RABGAP1: variants seen among roughly 807,000 people sequenced by gnomAD.
The protein encoded by RABGAP1 is rab GTPase-activating protein 1.
Under a neutral mutation model 137.6 loss-of-function variants are expected in RABGAP1, and 23 were observed. The ratio of observed to expected loss-of-function variants is 0.17; its 90% CI spans 0.12 to 0.24. RABGAP1 has a LOEUF of 0.24. RABGAP1 is among the 10% of genes least tolerant of loss of function. The pLI is 1.00. For synonymous variants in RABGAP1, 451 were observed against 450.7 expected, an observed-to-expected ratio of 1.00 and a Z score of -0.01; for missense variants, 906 against 1,275.8, an observed-to-expected ratio of 0.71 and a Z score of 4.42.
At chr9:123,076,528 C>T in intron 18 of RABGAP1, 106 bp from the exon 19 acceptor site, 1 of 1,329,852 alleles carries the variant, frequency 7.5e-7, no homozygotes, top group Non-Finnish European at 1.0e-6. Context: ...TAAGAAGTAT[C>T]TTCTGGGGAT....
intron 2 of RABGAP1, among the ~76,000 whole-genome samples, chr9:122,982,862 G>A (rs147258952): frequency 0.024 from 3,716 of 152,092 alleles, 79 homozygotes; most frequent in Middle Eastern, 0.034. Flanking sequence ...ATAGTGATAT[G>A]ATGTCACTTT....
intron 2 of RABGAP1, among the ~76,000 whole-genome samples, chr9:122,979,385 A>G (rs534542381): frequency 2.5e-4 from 38 of 152,272 alleles, no homozygotes; most frequent in African/African-American, 8.9e-4. Context: ...TACGTCCTTC[A>G]TCAGATATAT....
At chr9:122,969,575 C>G (rs779958712) in intron 2 of RABGAP1, among the ~76,000 whole-genome samples, 4 of 151,958 alleles carry the variant, frequency 2.6e-5, no homozygotes, top group Non-Finnish European at 5.9e-5. Context: ...AGATATCTTG[C>G]GCAGTGGTCC....
intron 24 of RABGAP1, among the ~76,000 whole-genome samples, chr9:123,099,820 G>A (rs1042455058): frequency 3.9e-5 from 6 of 152,174 alleles, no homozygotes; most frequent in African/African-American, 1.4e-4. Context: ...GTCGATGTCC[G>A]CAGTGTGATG....
intron 13 of RABGAP1, among the ~76,000 whole-genome samples, chr9:123,033,209 C>A (rs893239396): frequency 6.6e-6 from 1 of 152,144 alleles, no homozygotes; most frequent in African/African-American, 2.4e-5. Context: ...AGTTGCCATA[C>A]GCCATACACT....
intron 13 of RABGAP1, among the ~76,000 whole-genome samples, chr9:123,058,846 T>C (rs982180287): frequency 2.0e-5 from 3 of 152,214 alleles, no homozygotes; most frequent in Non-Finnish European, 4.4e-5. Context: ...CAGCAGCACA[T>C]TGGACTTGAA....
At chr9:123,064,005 C>T (rs1367386473) in intron 13 of RABGAP1, among the ~76,000 whole-genome samples, 5 of 152,152 alleles carry the variant, frequency 3.3e-5, no homozygotes, top group East Asian at 3.8e-4. Flanking sequence ...CTACCTTGCC[C>T]GCCCCAAAAT....
chr9:122,987,704 G>C (rs1408109952), intron 4 of RABGAP1, among the ~76,000 whole-genome samples: 1 of 152,086 alleles, frequency 6.6e-6, no homozygotes, highest in African/African-American at 2.4e-5. Flanking sequence ...AAGCATGAAT[G>C]ATGATAGCTA....
intron 13 of RABGAP1, among the ~76,000 whole-genome samples, chr9:123,058,480 C>G (rs2033836852): frequency 6.6e-6 from 1 of 151,494 alleles, no homozygotes; most frequent in Non-Finnish European, 1.5e-5. Context: ...TACAAAAAAG[C>G]AAAACAATTT....
chr9:123,090,470 G>A, intron 21 of RABGAP1, 85 bp downstream of exon 21: 1 of 1,124,412 alleles, frequency 8.9e-7, no homozygotes, highest in Non-Finnish European at 1.3e-6. Flanking sequence ...TTTAGTGATT[G>A]TTATTCTAGC....
chr9:123,034,485 C>T lies in RABGAP1; in HGVS notation c.1794+14026C>T, dbSNP rs552275243. 60 of 837,252 alleles carry T rather than the reference C, an allele frequency of 7.2e-5. 1 individual carries two copies. Among genetic ancestry groups the T allele is most frequent in the South Asian group, 7.0e-4 (43 of 61,824 alleles). 51.9% of individuals were successfully genotyped at this position (837,252 alleles called of 1,614,324 possible). A position where few individuals can be genotyped will look rare whatever the true frequency, so the allele number is the denominator to read the frequency against. On this transcript the variant is annotated intron_variant, in intron 13 of 25. Transcript: ENST00000373647. The stretch of plus-strand genomic sequence containing the variant: ...ATTATTACACACATGCAAAGCTGAC[C>T]GCAATGACAGCAGCTGCTTCTTTGA...
At chr9:123,055,919 A>G (rs956050327) in intron 13 of RABGAP1, among the ~76,000 whole-genome samples, 5 of 150,712 alleles carry the variant, frequency 3.3e-5, no homozygotes, top group Non-Finnish European at 5.9e-5. Context: ...ACCATCGGGA[A>G]CTCTTTCACT....
At position 122,990,162 on chromosome 9, in the gene RABGAP1, C is replaced by T. The variant is rs770450327; in HGVS notation, c.872C>T (p.Thr291Ile). ...APQTPDSDIFTFSVSLEIKED... is the reference protein window; with the variant it reads ...APQTPDSDIFIFSVSLEIKED... ...CAGACTCCTGACAGTGACATCTTTA[C>T]CTTCTCTGTGTCTTTAGAAATAAAA... Residue 291 changes from threonine (T) to isoleucine (I), a missense_variant, in exon 6 of 26, where the codon ACC (threonine) becomes ATC (isoleucine). Physicochemically the swap from Thr to Ile is moderately conservative, Grantham distance 89. Around this residue, in one of 9 missense-constraint regions of RABGAP1, gnomAD observed 331 missense variants for 358.3 expected, o/e 0.92. Transcript: ENST00000373647. The T allele has an allele frequency of 6.2e-7, 1 of 1,611,840 alleles. No homozygotes were observed. Among genetic ancestry groups the T allele is most frequent in the Non-Finnish European group, 8.5e-7 (1 of 1,178,080 alleles).
intron 19 of RABGAP1, among the ~76,000 whole-genome samples, chr9:123,081,576 A>T (rs187245002): frequency 6.6e-6 from 1 of 152,004 alleles, no homozygotes; most frequent in Non-Finnish European, 1.5e-5. Context: ...AGCTGCGAGT[A>T]CAGGCATGCA....
At position 122,956,942 on chromosome 9, in the gene RABGAP1, A is replaced by G. The variant is rs1339257862; in HGVS notation, c.-49-69A>G. 3.7e-6 allele frequency: 3 copies of G among 808,406 alleles called. No homozygotes were observed. In the African/African-American group the frequency reaches 5.3e-5, roughly 14 times the overall value. 50.1% of individuals were successfully genotyped at this position (808,406 alleles called of 1,614,324 possible). ...AAAAAAATTCTGAATATGTTGTGTAAGAAGTACAGTGTAATTGAATATCTG... is the reference window on the plus strand; with the variant it reads ...AAAAAAATTCTGAATATGTTGTGTAGGAAGTACAGTGTAATTGAATATCTG... On this transcript the variant is annotated intron_variant, in intron 1 of 25. Coordinates refer to ENST00000373647, the MANE Select transcript of RABGAP1 (RefSeq NM_012197.4).
chr9:123,031,624 C>T (rs961773066), intron 13 of RABGAP1, among the ~76,000 whole-genome samples: 79 of 152,160 alleles, frequency 5.2e-4, no homozygotes, highest in African/African-American at 1.8e-3. Context: ...TGTGGAAATA[C>T]ATTTTCAGGA....
chr9:123,065,257 A>G (rs2034131836), intron 13 of RABGAP1, 91 bp from the exon 14 acceptor site: 10 of 883,286 alleles, frequency 1.1e-5, no homozygotes, highest in Non-Finnish European at 1.8e-6. Context: ...GCAACATTTA[A>G]AGTGTGTAAA....
intron 13 of RABGAP1, among the ~76,000 whole-genome samples, chr9:123,051,240 TTTTTTTTTTTTTTTTTTTTTTTTTG>T (rs2033453588): frequency 3.1e-5 from 2 of 64,226 alleles, no homozygotes; most frequent in African/African-American, 7.1e-5. Flanking sequence ...TTTTTTTTTT[TTTTTTTTTTTTTTTTTTTTTTTTTG>T]AGACGGAGTT....
chr9:123,089,922 C>T (rs575287833), intron 20 of RABGAP1, 72 bp downstream of exon 20: 3 of 1,293,198 alleles, frequency 2.3e-6, no homozygotes, highest in Admixed American at 2.0e-5. Flanking sequence ...CTGTAACTAG[C>T]TTTATTGAGT....
Sources: allele counts gnomAD v4.1 joint callset (sites outside exome capture counted in the v4.1 genomes callset), GRCh38; gene constraint gnomAD v4.1.1; regional missense constraint gnomAD v4.1.1; transcripts MANE v1.5; gene names NCBI Gene and HGNC (gene_info 2026-07-23, HGNC 2026-07-21).